The following DLG5 variants were observed in gnomAD, a reference collection of about 807,000 sequenced individuals.
DLG5 encodes disks large homolog 5.
Under a neutral mutation model 189.8 loss-of-function variants are expected in DLG5, and 48 were observed. That is an observed-to-expected ratio of 0.25 (90% CI 0.20 to 0.32). The LOEUF is 0.32. DLG5 is among the 10% of genes least tolerant of loss of function. The pLI, the probability that DLG5 is intolerant of heterozygous loss-of-function variation, is 1.00. For synonymous variants in DLG5, 1,016 were observed against 1,054.1 expected, an observed-to-expected ratio of 0.96 and a Z score of 0.70; for missense variants, 2,160 against 2,544.7, an observed-to-expected ratio of 0.85 and a Z score of 3.25.
chr10:77,819,004 A>C (rs1445524152), intron 17 of DLG5, among the ~76,000 whole-genome samples: 1 of 152,212 alleles, frequency 6.6e-6, no homozygotes, highest in Non-Finnish European at 1.5e-5. Flanking sequence ...AGAAACAGTA[A>C]TAGGACTTAG....
Position 77,926,102 on chromosome 10 carries a change from G to A in DLG5, c.304+115C>T. On this transcript the variant is annotated intron_variant, in intron 1 of 31. Transcript: ENST00000372391. This position sits in a 1 kb window ranked among gnomAD's most constrained non-coding sequence, Gnocchi z 5.2. ...CTCCCCAACTGGGCCAGAGGAGCGA[G>A]TCCACCGAGGCCATCGCCAGGTGGA... 2 of 1,124,244 alleles carry A rather than the reference G, an allele frequency of 1.8e-6. No homozygotes were observed. Among genetic ancestry groups the A allele is most frequent in the Middle Eastern group, 3.3e-4 (1 of 3,072 alleles). 69.6% of individuals were successfully genotyped at this position (1,124,244 alleles called of 1,614,324 possible).
intron 25 of DLG5, 114 bp from the exon 26 acceptor site, chr10:77,807,042 A>T: frequency 2.5e-6 from 3 of 1,223,626 alleles, no homozygotes; most frequent in South Asian, 1.5e-5. Context: ...GCTGTCTCCA[A>T]ACTTGATCAG....
chr10:77,812,979 G>A (rs1841857947), intron 20 of DLG5, among the ~76,000 whole-genome samples: 1 of 152,252 alleles, frequency 6.6e-6, no homozygotes. Context: ...GGGAGCCTCT[G>A]GGCAGGCCAA....
intron 9 of DLG5, among the ~76,000 whole-genome samples, chr10:77,833,488 T>G (rs889094910): frequency 6.6e-6 from 1 of 152,208 alleles, no homozygotes; most frequent in Non-Finnish European, 1.5e-5. Flanking sequence ...GTGCCATTTC[T>G]CCAGTGCCTC....
intron 1 of DLG5, among the ~76,000 whole-genome samples, chr10:77,890,545 G>A (rs764021117): frequency 2.6e-5 from 4 of 152,122 alleles, no homozygotes; most frequent in African/African-American, 4.8e-5. Flanking sequence ...GGCCGGGCAC[G>A]GTGGTTCACG....
intron 1 of DLG5, among the ~76,000 whole-genome samples, chr10:77,905,632 T>G (rs531268294): frequency 8.5e-5 from 13 of 152,164 alleles, no homozygotes; most frequent in Non-Finnish European, 1.6e-4. Flanking sequence ...CAAGACCATT[T>G]CTGGGTGAAC....
intron 1 of DLG5, among the ~76,000 whole-genome samples, chr10:77,881,837 A>C (rs1157347397): frequency 6.6e-6 from 1 of 152,194 alleles, no homozygotes; most frequent in Non-Finnish European, 1.5e-5. Context: ...GAACTGCCCA[A>C]GTCACATGGC....
At chr10:77,825,634 C>T (rs1478071730) in intron 13 of DLG5, among the ~76,000 whole-genome samples, 1 of 151,902 alleles carries the variant, frequency 6.6e-6, no homozygotes, top group Non-Finnish European at 1.5e-5. Flanking sequence ...CGGCTCGCTG[C>T]AACCTCCGCC....
chr10:77,911,970 G>A (rs1401753179), intron 1 of DLG5, among the ~76,000 whole-genome samples: 1 of 151,032 alleles, frequency 6.6e-6, no homozygotes, highest in South Asian at 2.1e-4. Flanking sequence ...AGGCTGAGGA[G>A]GGAGGATCAC....
chr10:77,873,030 T>C (rs866546990), intron 1 of DLG5, among the ~76,000 whole-genome samples: 10 of 105,512 alleles, frequency 9.5e-5, no homozygotes, highest in African/African-American at 2.5e-4. Flanking sequence ...TGTGTGTGTG[T>C]GCACACACAC....
rs1336927510 is a variant in DLG5 at position 77,817,034 on chromosome 10, G to A, written c.3847C>T (p.Pro1283Ser). The A allele has an allele frequency of 6.2e-7, 1 of 1,614,158 alleles. No individual in the cohort carries two copies. The highest frequency in any genetic ancestry group is 1.7e-5 in the Admixed American group (1 of 60,018). Residue 1283 changes from proline to serine, a missense_variant, in exon 19 of 32, where the codon CCG becomes TCG. Physicochemically the swap from Pro to Ser is moderately conservative, Grantham distance 74. Coordinates refer to ENST00000372391, the MANE Select transcript of DLG5 (RefSeq NM_004747.4). ...RIKIPSTPRYPRSVVGSERGS... is the reference protein window; with the variant it reads ...RIKIPSTPRYSRSVVGSERGS... ...CTCTCGGAGCCCACGACACTCCGCG[G>A]ATATCTTGGTGTTGATGGGATTTTA...
At chr10:77,909,379 T>C (rs7913455) in intron 1 of DLG5, among the ~76,000 whole-genome samples, 9,393 of 151,948 alleles carry the variant, frequency 0.062, 969 homozygotes, top group African/African-American at 0.21. Context: ...AGGAGAGGGA[T>C]AGCAACAGAA....
the DLG5 span, among the ~76,000 whole-genome samples, chr10:77,934,667 C>T: frequency 6.6e-5 from 10 of 152,086 alleles, no homozygotes; most frequent in African/African-American, 1.2e-4. Context: ...TCACAAGGAA[C>T]TGGATTCTGG....
chr10:77,894,223 C>T (rs984096556), intron 1 of DLG5, among the ~76,000 whole-genome samples: 1 of 152,178 alleles, frequency 6.6e-6, no homozygotes, highest in Non-Finnish European at 1.5e-5. Context: ...TGGAGCCCAA[C>T]TGCCTGCCTG....
intron 27 of DLG5, among the ~76,000 whole-genome samples, chr10:77,797,298 A>G (rs1319297932): frequency 6.6e-6 from 1 of 152,246 alleles, no homozygotes; most frequent in African/African-American, 2.4e-5. Flanking sequence ...AAATGAATAA[A>G]GTCCTTGCAG....
chr10:77,918,990 CG>C (rs1239373273), intron 1 of DLG5, among the ~76,000 whole-genome samples: 4 of 151,994 alleles, frequency 2.6e-5, no homozygotes, highest in Admixed American at 2.0e-4. Context: ...CTGAGGTAGG[CG>C]GATCACCTGA....
intron 1 of DLG5, among the ~76,000 whole-genome samples, chr10:77,885,098 A>G (rs1308176051): frequency 1.3e-5 from 2 of 152,150 alleles, no homozygotes; most frequent in African/African-American, 4.8e-5. Flanking sequence ...AATAAAGATA[A>G]AACAGCACAA....
chr10:77,842,573 C>G (rs759008992), intron 6 of DLG5, among the ~76,000 whole-genome samples: 1 of 152,184 alleles, frequency 6.6e-6, no homozygotes, highest in Admixed American at 6.5e-5. Context: ...TTCACAGATA[C>G]GAACAGTACA....
intron 1 of DLG5, among the ~76,000 whole-genome samples, chr10:77,872,600 A>T (rs1472755076): frequency 6.6e-5 from 10 of 152,180 alleles, no homozygotes; most frequent in Admixed American, 6.5e-4. Flanking sequence ...TTAAGGGGGA[A>T]AAAAGGCCCA....
Sources: allele counts gnomAD v4.1 joint callset (sites outside exome capture counted in the v4.1 genomes callset), GRCh38; gene constraint gnomAD v4.1.1; non-coding constraint Gnocchi (gnomAD v3.1); transcripts MANE v1.5; gene names NCBI Gene and HGNC (gene_info 2026-07-23, HGNC 2026-07-21).